SNTG1: variants seen among roughly 807,000 people sequenced by gnomAD.
SNTG1 encodes the protein gamma-1-syntrophin.
A neutral mutation model predicts 74.7 loss-of-function variants in SNTG1; 39 were observed. The observed-to-expected ratio is 0.52, with a 90% CI of 0.40 to 0.68. The LOEUF is 0.68. Among genes scored for constraint, SNTG1 ranks in the 30% least tolerant of loss-of-function variants. SNTG1 has a pLI of 0.00. For missense variants in SNTG1, 685 were observed against 609.5 expected, an observed-to-expected ratio of 1.12 and a Z score of -1.30; for synonymous variants, 254 against 217.1, an observed-to-expected ratio of 1.17 and a Z score of -1.49.
chr8:50,377,816 A>T (rs2092414119), intron 2 of SNTG1, among the ~76,000 whole-genome samples: 1 of 152,238 alleles, frequency 6.6e-6, no homozygotes, highest in Non-Finnish European at 1.5e-5. Flanking sequence ...ATTTTTAAAA[A>T]AATTGATTTT....
At chr8:49,931,765 G>A (rs764862805) in intron 1 of SNTG1, among the ~76,000 whole-genome samples, 2 of 152,132 alleles carry the variant, frequency 1.3e-5, no homozygotes, top group Non-Finnish European at 1.5e-5. Context: ...TCACAATACT[G>A]AGTGAATACA....
intron 11 of SNTG1, among the ~76,000 whole-genome samples, chr8:50,537,043 T>C (rs1052054688): frequency 1.3e-5 from 2 of 152,232 alleles, no homozygotes; most frequent in Non-Finnish European, 2.9e-5. Flanking sequence ...ATAGACTCAA[T>C]AGATAGTTTT....
intron 1 of SNTG1, among the ~76,000 whole-genome samples, chr8:49,928,368 C>A (rs2450285): frequency 6.6e-6 from 1 of 151,236 alleles, no homozygotes; most frequent in Non-Finnish European, 1.5e-5. Context: ...GTAGCTGGAA[C>A]TACAGGCACT....
chr8:50,019,132 G>A (rs1271955882), intron 1 of SNTG1, among the ~76,000 whole-genome samples: 1 of 151,878 alleles, frequency 6.6e-6, no homozygotes, highest in Non-Finnish European at 1.5e-5. Flanking sequence ...TGATGAGAAA[G>A]GTCCCAAAAT....
In SNTG1 at chr8:50,545,681, G is replaced by A. The variant is rs575379747; in HGVS notation, c.681-7369G>A. On this transcript the variant is annotated intron_variant, in intron 11 of 18. Coordinates refer to ENST00000642720, the MANE Select transcript of SNTG1 (RefSeq NM_018967.5). The stretch of plus-strand genomic sequence containing the variant: ...ATGCTTTTTAAACACTATGAAAATC[G>A]ATAATATTGAAAGTAGGCTTTTGGA... Among the ~76,000 whole-genome samples the A allele has an allele frequency of 2.9e-3, 448 of 151,908 alleles. 6 individuals are homozygous for A. The highest frequency in any genetic ancestry group is 7.5e-3 in the South Asian group (36 of 4,806).
chr8:50,411,409 C>T (rs2092946714), intron 4 of SNTG1, among the ~76,000 whole-genome samples: 1 of 150,138 alleles, frequency 6.7e-6, no homozygotes, highest in Non-Finnish European at 1.5e-5. Context: ...GATCTCTCCA[C>T]TGCACTCCAG....
chr8:50,066,105 C>G (rs1267360799), intron 1 of SNTG1, among the ~76,000 whole-genome samples: 2 of 152,142 alleles, frequency 1.3e-5, no homozygotes, highest in African/African-American at 4.8e-5. Flanking sequence ...ATCCCAGCTA[C>G]TCAGGAGGCT....
chr8:50,000,123 G>A (rs867795593), intron 1 of SNTG1, among the ~76,000 whole-genome samples: 6 of 152,204 alleles, frequency 3.9e-5, no homozygotes, highest in South Asian at 4.1e-4. Flanking sequence ...GACTGGCACC[G>A]TGCCACACTG....
At position 49,916,277 on chromosome 8, in the gene SNTG1, T is replaced by A. The variant is rs146560710; in HGVS notation, c.-103+4046T>A. Among the ~76,000 whole-genome samples the A allele has an allele frequency of 6.5e-4, 99 of 152,132 alleles. No homozygotes were observed. In the East Asian group the frequency reaches 0.014, roughly 22 times the overall value. ...AGAGTAAGAGGTCATTAAAATAATG[T>A]CTTGAGGCCAGAGAATTTATCTTTG... On this transcript the variant is annotated intron_variant, in intron 1 of 18. Coordinates refer to ENST00000642720, the MANE Select transcript of SNTG1 (RefSeq NM_018967.5).
intron 1 of SNTG1, among the ~76,000 whole-genome samples, chr8:50,165,722 C>A (rs2082590704): frequency 6.6e-6 from 1 of 152,082 alleles, no homozygotes; most frequent in Non-Finnish European, 1.5e-5. Context: ...ATTGGAAAAC[C>A]TTAGTGGTTC....
At chr8:50,492,551 G>A (rs1017962893) in intron 8 of SNTG1, among the ~76,000 whole-genome samples, 4 of 152,182 alleles carry the variant, frequency 2.6e-5, no homozygotes, top group African/African-American at 9.7e-5. Context: ...TTTGAGAAGT[G>A]TCTGTTCCTG....
chr8:50,409,167 T>A (rs1282721699), intron 4 of SNTG1, among the ~76,000 whole-genome samples: 1 of 152,172 alleles, frequency 6.6e-6, no homozygotes, highest in Non-Finnish European at 1.5e-5. Context: ...AAAAACACTC[T>A]TGACATATTT....
chr8:50,682,499 A>C (rs2095335234), intron 15 of SNTG1, among the ~76,000 whole-genome samples: 1 of 152,166 alleles, frequency 6.6e-6, no homozygotes, highest in South Asian at 2.1e-4. Flanking sequence ...GGGGTCAAAG[A>C]GGACAAGGAA....
intron 2 of SNTG1, among the ~76,000 whole-genome samples, chr8:50,339,384 A>G (rs1026785083): frequency 6.6e-6 from 1 of 151,986 alleles, no homozygotes; most frequent in East Asian, 1.9e-4. Context: ...AATAAAAACA[A>G]GATCTTGTTT....
chr8:50,203,686 G>A (rs76804973), intron 2 of SNTG1, among the ~76,000 whole-genome samples: 7,353 of 151,900 alleles, frequency 0.048, 209 homozygotes, highest in Middle Eastern at 0.1. Flanking sequence ...GCTTAGTTTC[G>A]TATTAATACA....
intron 1 of SNTG1, among the ~76,000 whole-genome samples, chr8:50,003,595 T>C (rs1029112662): frequency 6.6e-6 from 1 of 152,196 alleles, no homozygotes; most frequent in African/African-American, 2.4e-5. Flanking sequence ...AAAAGCAAGA[T>C]TACAGTGCGA....
intron 1 of SNTG1, among the ~76,000 whole-genome samples, chr8:49,926,948 C>G (rs1277392564): frequency 6.6e-6 from 1 of 152,154 alleles, no homozygotes; most frequent in Non-Finnish European, 1.5e-5. Flanking sequence ...ACAAACATCT[C>G]ACCAAAGAAG....
intron 17 of SNTG1, among the ~76,000 whole-genome samples, chr8:50,747,351 T>A (rs1352362715): frequency 1.3e-5 from 2 of 151,970 alleles, no homozygotes; most frequent in African/African-American, 2.4e-5. Flanking sequence ...GGACTTAAAC[T>A]TTTTCTTGAG....
intron 2 of SNTG1, among the ~76,000 whole-genome samples, chr8:50,340,843 T>A (rs1378281718): frequency 6.6e-6 from 1 of 151,932 alleles, no homozygotes; most frequent in Non-Finnish European, 1.5e-5. Context: ...GTACATTATC[T>A]CTAAAATGTA....
Sources: gnomAD v4.1 joint callset for allele counts (sites outside exome capture counted in the v4.1 genomes callset) on GRCh38, gnomAD v4.1.1 for gene constraint, MANE v1.5 for transcripts, NCBI Gene and HGNC (gene_info 2026-07-23, HGNC 2026-07-21) for gene names.